The following KDM4C variants were observed in gnomAD, a reference collection of about 807,000 sequenced individuals.
KDM4C encodes the protein lysine-specific demethylase 4C.
Under a neutral mutation model 129.3 loss-of-function variants are expected in KDM4C, and 81 were observed. The observed-to-expected ratio is 0.63, with a 90% CI of 0.52 to 0.75. KDM4C has a LOEUF of 0.75. Ranked by LOEUF, KDM4C falls within the 30% of genes least tolerant of loss-of-function variation. The probability of loss-of-function intolerance (pLI) is 0.00; values close to 1 mark genes in which losing one functional copy is unlikely to be tolerated. For missense variants in KDM4C, 1,457 were observed against 1,304.0 expected (o/e 1.12, Z -1.81); for synonymous variants, 573 against 456.1 (o/e 1.26, Z -3.26).
At chr9:7,127,102 G>T (rs189750615) in intron 18 of KDM4C, among the ~76,000 whole-genome samples, 1 of 152,180 alleles carries the variant, frequency 6.6e-6, no homozygotes, top group African/African-American at 2.4e-5. Context: ...GAAGACTCCT[G>T]CTTACCAAAT....
chr9:7,128,217 C>T lies in KDM4C; in HGVS notation c.2762C>T (p.Thr921Ile), dbSNP rs753394685. 1.9e-6 allele frequency: 3 copies of T among 1,600,040 alleles called. No individual in the cohort carries two copies. The highest frequency in any genetic ancestry group is 2.6e-6 in the Non-Finnish European group (3 of 1,173,288). Residue 921 changes from threonine (T) to isoleucine (I), a missense_variant, in exon 19 of 22, where the codon ACA becomes ATA. Physicochemically the swap from Thr to Ile is moderately conservative, Grantham distance 89 (BLOSUM62 -1). Coordinates refer to ENST00000381309, the MANE Select transcript of KDM4C (RefSeq NM_015061.6). ...GATGATGGCTCCTTTAGCAGAGACA[C>T]ATTTCCTGAGGATATCGTGGTAAGT... ...MFDDGSFSRDTFPEDIVSRDC... is the reference protein window; with the variant it reads ...MFDDGSFSRDIFPEDIVSRDC...
chr9:6,811,822 C>T (rs1375935746), intron 3 of KDM4C, among the ~76,000 whole-genome samples: 1 of 152,092 alleles, frequency 6.6e-6, no homozygotes, highest in Non-Finnish European at 1.5e-5. Flanking sequence ...TGGAGCTCAC[C>T]TCTTAAGAAC....
chr9:7,123,824 C>T (rs113562460), intron 18 of KDM4C, among the ~76,000 whole-genome samples: 113 of 152,126 alleles, frequency 7.4e-4, no homozygotes, highest in African/African-American at 2.5e-3. Context: ...GCTACTGGAG[C>T]GGGTGAGGTG....
At position 6,758,248 on chromosome 9, in the gene KDM4C, C is replaced by T. The variant is rs1156598163; in HGVS notation, c.-18+45C>T. ...CTGGGGGCCAGGGCGGGGGGAGGGT[C>T]CGGAGAGGTCTTCCCGGCACTGCCC... is the stretch of plus-strand genomic sequence containing the variant. On this transcript the variant is annotated intron_variant, in intron 1 of 21. Transcript: ENST00000381309. The surrounding 1 kb of genome is among the most constrained non-coding windows in gnomAD (Gnocchi z 4.6). 2.2e-5 allele frequency: 21 copies of T among 971,944 alleles called. No individual in the cohort carries two copies. Among genetic ancestry groups the T allele is most frequent in the Non-Finnish European group, 2.6e-5 (21 of 817,678 alleles). The allele number at this position is 971,944 out of a possible 1,614,324, so 60.2% of individuals were successfully genotyped here. A position where few individuals can be genotyped will look rare whatever the true frequency, so the allele number is the denominator to read the frequency against.
At chr9:6,792,946 T>G in intron 1 of KDM4C, 26 bp from the exon 2 acceptor site, 3 of 1,611,820 alleles carry the variant, frequency 1.9e-6, no homozygotes, top group Non-Finnish European at 2.5e-6. Flanking sequence ...AATTCAGTTC[T>G]GTTGACCCTA....
chr9:6,788,351 A>G (rs1825884867), intron 1 of KDM4C, among the ~76,000 whole-genome samples: 2 of 152,172 alleles, frequency 1.3e-5, no homozygotes, highest in South Asian at 4.1e-4. Flanking sequence ...TCCTCTGCCT[A>G]GGGAAATGCT....
intron 17 of KDM4C, among the ~76,000 whole-genome samples, chr9:7,091,838 G>A (rs190018160): frequency 2.6e-5 from 4 of 152,352 alleles, no homozygotes; most frequent in African/African-American, 9.6e-5. Flanking sequence ...CCTGACCAGG[G>A]AACCTGGTAG....
chr9:6,995,011 A>AT (rs1819432935), intron 12 of KDM4C, among the ~76,000 whole-genome samples: 1 of 149,252 alleles, frequency 6.7e-6, no homozygotes, highest in Non-Finnish European at 1.5e-5. Flanking sequence ...GGACTAGCTT[A>AT]TTTAGGCTAT....
intron 8 of KDM4C, among the ~76,000 whole-genome samples, chr9:6,923,139 C>T (rs1821840516): frequency 6.6e-6 from 1 of 152,112 alleles, no homozygotes; most frequent in African/African-American, 2.4e-5. Flanking sequence ...GTTTGTAAAG[C>T]ACTGCCTCCT....
intron 4 of KDM4C, among the ~76,000 whole-genome samples, chr9:6,844,346 C>G (rs1015995340): frequency 2.0e-5 from 3 of 152,198 alleles, no homozygotes; most frequent in Non-Finnish European, 2.9e-5. Flanking sequence ...TGACCATTCT[C>G]TAGCCACCCC....
intron 18 of KDM4C, among the ~76,000 whole-genome samples, chr9:7,122,911 G>A (rs1839658692): frequency 1.3e-5 from 2 of 152,284 alleles, no homozygotes; most frequent in Non-Finnish European, 2.9e-5. Flanking sequence ...CATGATGCCT[G>A]TCTTCTCTGA....
chr9:7,165,338 A>G lies in KDM4C; in HGVS notation c.2882A>G (p.Asn961Ser). The change falls in exon 20 of 22, where the codon AAT becomes AGT. Residue 961 changes from asparagine (N) to serine (S), a missense_variant. Transcript: ENST00000381309. ...KLYGAKYFGS[N>S]IAHMYQVEFE... Reference sequence around the variant, plus strand: ...TATGGAGCAAAATATTTTGGATCAAATATTGCCCACATGTACCAGGTGGGT... The same window carrying G: ...TATGGAGCAAAATATTTTGGATCAAGTATTGCCCACATGTACCAGGTGGGT... 6.2e-7 allele frequency: 1 copy of G among 1,614,114 alleles called. No homozygotes were observed. Among genetic ancestry groups the G allele is most frequent in the Non-Finnish European group, 8.5e-7 (1 of 1,180,010 alleles).
At chr9:6,803,671 G>T (rs1231344577) in intron 2 of KDM4C, among the ~76,000 whole-genome samples, 1 of 151,728 alleles carries the variant, frequency 6.6e-6, no homozygotes, top group Non-Finnish European at 1.5e-5. Context: ...CAGCACTTTG[G>T]GAGGCCAAGG....
intron 19 of KDM4C, among the ~76,000 whole-genome samples, chr9:7,160,750 A>G (rs1235644622): frequency 3.3e-5 from 5 of 152,152 alleles, no homozygotes; most frequent in African/African-American, 1.2e-4. Flanking sequence ...GTTTACCTCT[A>G]CTGGGAGTTG....
chr9:7,079,555 C>G (rs1168369088), intron 17 of KDM4C, among the ~76,000 whole-genome samples: 1 of 152,208 alleles, frequency 6.6e-6, no homozygotes, highest in Non-Finnish European at 1.5e-5. Context: ...CTCCTGACCT[C>G]AAGTGATCTG....
At chr9:6,901,888 C>T (rs1243632688) in intron 8 of KDM4C, among the ~76,000 whole-genome samples, 2 of 152,174 alleles carry the variant, frequency 1.3e-5, no homozygotes, top group Non-Finnish European at 2.9e-5. Flanking sequence ...TTACAGACTT[C>T]AGTCTATGTT....
intron 1 of KDM4C, among the ~76,000 whole-genome samples, chr9:6,768,835 C>G (rs927686038): frequency 1.3e-4 from 20 of 151,770 alleles, no homozygotes; most frequent in African/African-American, 4.4e-4. Context: ...TGCAGTGATG[C>G]AATCTCTGCT....
intron 1 of KDM4C, among the ~76,000 whole-genome samples, chr9:6,777,657 A>C (rs1339474540): frequency 1.3e-5 from 2 of 152,000 alleles, no homozygotes; most frequent in African/African-American, 4.8e-5. Context: ...TTTGAGACTT[A>C]GTCTTGCTCT....
At chr9:6,843,938 C>T (rs908712900) in intron 4 of KDM4C, among the ~76,000 whole-genome samples, 2 of 152,134 alleles carry the variant, frequency 1.3e-5, no homozygotes, top group African/African-American at 4.8e-5. Flanking sequence ...GCAACCTCAA[C>T]TCCCTCCTCA....
Sources: gnomAD v4.1 joint callset for allele counts (sites outside exome capture counted in the v4.1 genomes callset) on GRCh38, gnomAD v4.1.1 for gene constraint, Gnocchi (gnomAD v3.1) non-coding constraint, MANE v1.5 for transcripts, NCBI Gene and HGNC (gene_info 2026-07-23, HGNC 2026-07-21) for gene names.